PCDH15: variants seen among roughly 807,000 people sequenced by gnomAD.
The protein encoded by PCDH15 is protocadherin related 15, also known as protocadherin-15.
Under a neutral mutation model 178.5 loss-of-function variants are expected in PCDH15, and 129 were observed. The observed-to-expected ratio is 0.72, with a 90% confidence interval of 0.63 to 0.84. The LOEUF is 0.84. PCDH15 is among the 40% of genes least tolerant of loss of function. The pLI, the probability that PCDH15 is intolerant of heterozygous loss-of-function variation, is 0.00. For missense variants in PCDH15, 2,230 were observed against 2,099.9 expected, an observed-to-expected ratio of 1.06 and a Z score of -1.21; for synonymous variants, 800 against 732.0, an observed-to-expected ratio of 1.09 and a Z score of -1.50.
intron 3 of PCDH15, among the ~76,000 whole-genome samples, chr10:54,853,262 A>T (rs938087362): frequency 7.1e-6 from 1 of 140,822 alleles, no homozygotes; most frequent in African/African-American, 2.6e-5. Flanking sequence ...CTCTGTCTCA[A>T]ATATATATAT....
intron 1 of PCDH15, among the ~76,000 whole-genome samples, chr10:55,220,488 T>G (rs1167976470): frequency 6.6e-6 from 1 of 152,082 alleles, no homozygotes; most frequent in East Asian, 1.9e-4. Context: ...ATTTCCTTGT[T>G]GTACGAACAT....
chr10:55,011,209 C>A (rs767915118), intron 2 of PCDH15, among the ~76,000 whole-genome samples: 11 of 151,824 alleles, frequency 7.2e-5, no homozygotes, highest in Non-Finnish European at 1.5e-4. Context: ...CTGAAAAAAT[C>A]GTTATATTTA....
chr10:54,003,314 CAGAA>C (rs2092251830), intron 20 of PCDH15, among the ~76,000 whole-genome samples: 1 of 151,814 alleles, frequency 6.6e-6, no homozygotes, highest in South Asian at 2.1e-4. Flanking sequence ...ATCAATGAAA[CAGAA>C]AGTTTGTTTT....
At chr10:55,368,830 T>G (rs1027783123) in intron 2 of PCDH15, among the ~76,000 whole-genome samples, 3 of 152,034 alleles carry the variant, frequency 2.0e-5, no homozygotes, top group Non-Finnish European at 4.4e-5. Flanking sequence ...CATACAAGTG[T>G]ATTTTTTATA....
chr10:55,263,751 T>C (rs897414746), intron 1 of PCDH15, among the ~76,000 whole-genome samples: 1 of 152,178 alleles, frequency 6.6e-6, no homozygotes, highest in Admixed American at 6.5e-5. Context: ...TTTTATTTTT[T>C]TGAGACGGAG....
chr10:54,060,845 G>A (rs575872979), intron 18 of PCDH15, among the ~76,000 whole-genome samples: 1 of 152,082 alleles, frequency 6.6e-6, no homozygotes, highest in African/African-American at 2.4e-5. Flanking sequence ...AGCATAAGAG[G>A]TGAGGGTTGT....
At chr10:54,850,172 T>A (rs1199364184) in intron 3 of PCDH15, among the ~76,000 whole-genome samples, 2 of 152,212 alleles carry the variant, frequency 1.3e-5, no homozygotes, top group African/African-American at 4.8e-5. Context: ...TAATAATATC[T>A]ACCAATTTTT....
chr10:54,308,587 T>C (rs2060696495), intron 8 of PCDH15, among the ~76,000 whole-genome samples: 1 of 152,124 alleles, frequency 6.6e-6, no homozygotes, highest in Non-Finnish European at 1.5e-5. Flanking sequence ...TTTTGACCAA[T>C]GATAAGGAGA....
At chr10:54,486,556 C>T (rs192922919) in intron 3 of PCDH15, among the ~76,000 whole-genome samples, 4 of 151,620 alleles carry the variant, frequency 2.6e-5, no homozygotes, top group Admixed American at 2.6e-4. Context: ...TTCATTCTTC[C>T]TTTCTTTCTT....
chr10:54,826,698 A>T (rs1953137797), intron 3 of PCDH15, among the ~76,000 whole-genome samples: 1 of 151,988 alleles, frequency 6.6e-6, no homozygotes, highest in Admixed American at 6.6e-5. Context: ...AACCTGTAAG[A>T]TTTCAAGCAT....
chr10:54,763,911 G>A (rs1855901), intron 1 of PCDH15, among the ~76,000 whole-genome samples: 121,006 of 151,158 alleles, frequency 0.8, 48,555 homozygotes, highest in East Asian at 0.89. Flanking sequence ...GAAATCTGCA[G>A]ATTTCCTAGG....
intron 3 of PCDH15, among the ~76,000 whole-genome samples, chr10:54,391,289 C>A (rs1344951884): frequency 3.3e-5 from 5 of 152,152 alleles, no homozygotes; most frequent in Non-Finnish European, 7.3e-5. Flanking sequence ...CAAAAATTAG[C>A]CACATGCTAT....
At chr10:55,513,260 T>C (rs925831223) in intron 2 of PCDH15, 1 of 152,130 alleles carries the variant, frequency 6.6e-6, no homozygotes, top group African/African-American at 2.4e-5. Context: ...TACCTAGGTG[T>C]ATGTAGTGTG....
intron 6 of PCDH15, among the ~76,000 whole-genome samples, chr10:54,335,528 T>A (rs1470877935): frequency 6.6e-6 from 1 of 152,132 alleles, no homozygotes; most frequent in Non-Finnish European, 1.5e-5. Context: ...ATCATGGCAT[T>A]TCCCCATACT....
At chr10:54,002,065 A>ATG (rs2092173056) in intron 20 of PCDH15, among the ~76,000 whole-genome samples, 1 of 36,258 alleles carries the variant, frequency 2.8e-5, no homozygotes, top group Non-Finnish European at 5.4e-5. Context: ...ATATATATAC[A>ATG]TGTATATATA....
intron 1 of PCDH15, among the ~76,000 whole-genome samples, chr10:54,697,860 C>T (rs1006260308): frequency 2.0e-5 from 3 of 151,978 alleles, no homozygotes; most frequent in Admixed American, 2.0e-4. Context: ...AAAACGTTCT[C>T]ACCTATTGGT....
At chr10:54,139,600 T>G (rs918080691) in intron 14 of PCDH15, among the ~76,000 whole-genome samples, 1 of 152,152 alleles carries the variant, frequency 6.6e-6, no homozygotes, top group African/African-American at 2.4e-5. Flanking sequence ...CAGAATTTCT[T>G]GCTTCTCAGA....
At chr10:53,916,204 T>C (rs1473784907) in intron 25 of PCDH15, among the ~76,000 whole-genome samples, 2 of 152,204 alleles carry the variant, frequency 1.3e-5, no homozygotes, top group Middle Eastern at 3.2e-3. Flanking sequence ...CTGAATATTT[T>C]CCATCTCTGG....
intron 2 of PCDH15, among the ~76,000 whole-genome samples, chr10:55,598,376 T>C (rs893126753): frequency 2.6e-5 from 4 of 151,508 alleles, no homozygotes; most frequent in Non-Finnish European, 4.4e-5. Context: ...GAGTACTACA[T>C]GCAGCAGCTT....
Sources: allele counts gnomAD v4.1 joint callset (sites outside exome capture counted in the v4.1 genomes callset), GRCh38; gene constraint gnomAD v4.1.1; transcripts MANE v1.5; gene names NCBI Gene and HGNC (gene_info 2026-07-23, HGNC 2026-07-21).